NAP1L4: variants seen among roughly 807,000 people sequenced by gnomAD.
NAP1L4 encodes nucleosome assembly protein 1 like 4, also known as nucleosome assembly protein 1-like 4.
A neutral mutation model predicts 58.2 loss-of-function variants in NAP1L4; 15 were observed. The ratio of observed to expected loss-of-function variants is 0.26; its 90% CI spans 0.17 to 0.40. The LOEUF (loss-of-function observed/expected upper bound fraction) is 0.40. Among genes scored for constraint, NAP1L4 ranks in the 10% least tolerant of loss-of-function variants. The pLI is 1.00. For synonymous variants in NAP1L4, 171 were observed against 155.6 expected (o/e 1.10, Z -0.74); for missense variants, 384 against 451.1 (o/e 0.85, Z 1.35).
intron 8 of NAP1L4, among the ~76,000 whole-genome samples, chr11:2,963,172 G>A (rs76602533): frequency 0.026 from 3,883 of 150,220 alleles, 173 homozygotes; most frequent in African/African-American, 0.09. Flanking sequence ...AAAAAAAAAG[G>A]AACTGACCCA....
intron 1 of NAP1L4, among the ~76,000 whole-genome samples, chr11:2,983,178 T>C (rs903650981): frequency 6.6e-6 from 1 of 152,198 alleles, no homozygotes; most frequent in South Asian, 2.1e-4. Context: ...TGCTGTTCAC[T>C]ATGCAGCCCC....
At chr11:2,958,223 C>G (rs1053266853) in intron 10 of NAP1L4, 176 bp downstream of exon 10, 12 of 716,820 alleles carry the variant, frequency 1.7e-5, no homozygotes, top group African/African-American at 1.6e-4. Context: ...ACCTCTGCCC[C>G]CCGCGATAAA....
intron 4 of NAP1L4, among the ~76,000 whole-genome samples, chr11:2,973,585 C>A (rs940559268): frequency 6.6e-6 from 1 of 152,122 alleles, no homozygotes; most frequent in Non-Finnish European, 1.5e-5. Context: ...GGACCACTCT[C>A]CTGGGTGAAA....
chr11:2,957,218 TCA>T (rs747054827), intron 10 of NAP1L4, among the ~76,000 whole-genome samples: 15 of 152,224 alleles, frequency 9.9e-5, no homozygotes, highest in African/African-American at 1.4e-4. Flanking sequence ...CACGCTGAAT[TCA>T]CAGACAATCT....
In NAP1L4 at chr11:2,971,863, T is replaced by C. The variant is rs957960712; in HGVS notation, c.315+239A>G. Among the ~76,000 whole-genome samples, 7 of 152,336 alleles carry C rather than the reference T, an allele frequency of 4.6e-5. No individual in the cohort carries two copies. Among genetic ancestry groups the C allele is most frequent in the African/African-American group, 1.7e-4 (7 of 41,576 alleles). ...GTTCCTCTCTCTGTGTAGGGTTCAATACATTACGCGAGATACTCAGCACTT... is the reference window on the plus strand; with the variant it reads ...GTTCCTCTCTCTGTGTAGGGTTCAACACATTACGCGAGATACTCAGCACTT... On this transcript the variant is annotated intron_variant, in intron 5 of 15. Transcript: ENST00000380542. The surrounding 1 kb of genome is among the most constrained non-coding windows in gnomAD (Gnocchi z 4.2).
At chr11:2,957,465 T>C (rs1846610665) in intron 10 of NAP1L4, among the ~76,000 whole-genome samples, 1 of 152,216 alleles carries the variant, frequency 6.6e-6, no homozygotes, top group Non-Finnish European at 1.5e-5. Context: ...TCACTCAGAC[T>C]GGAGAAGAGA....
At chr11:2,991,309 GA>G (rs1848951737) in intron 1 of NAP1L4, 1 of 329,540 alleles carries the variant, frequency 3.0e-6, no homozygotes, top group African/African-American at 2.2e-5. Context: ...GGGGTGAACG[GA>G]AAGCATTCAG....
chr11:2,946,587 C>T lies in NAP1L4; in HGVS notation c.*33-941G>A, dbSNP rs1845951890. Among the ~76,000 whole-genome samples, 1 of 152,192 alleles carries T rather than the reference C, an allele frequency of 6.6e-6. No homozygotes were observed. Among genetic ancestry groups the T allele is most frequent in the South Asian group, 2.1e-4 (1 of 4,826 alleles). ...CTTGTACTGTATGGGGCAAAAAGAT[C>T]CCTGGGTTACCATAAATGATATCTT... On this transcript the variant is annotated intron_variant, in intron 15 of 15. Transcript: ENST00000380542. This position sits in a 1 kb window ranked among gnomAD's most constrained non-coding sequence, Gnocchi z 4.8.
rs1240135851 is a variant in NAP1L4 at position 2,949,380 on chromosome 11, T to C, written c.1123-116A>G. On this transcript the variant is annotated intron_variant, in intron 14 of 15. Transcript: ENST00000380542. The surrounding 1 kb of genome is among the most constrained non-coding windows in gnomAD (Gnocchi z 4.0). Reference sequence around the variant, plus strand: ...ATGATACAAAAGGGCTGCAAGATACTGAACTCGGGGTGAACAACTTCAACA... The same window carrying C: ...ATGATACAAAAGGGCTGCAAGATACCGAACTCGGGGTGAACAACTTCAACA... 8 of 838,384 alleles carry C rather than the reference T, an allele frequency of 9.5e-6. No homozygotes were observed. Among genetic ancestry groups the C allele is most frequent in the Admixed American group, 1.9e-5 (1 of 51,352 alleles). 51.9% of individuals were successfully genotyped at this position (838,384 alleles called of 1,614,324 possible).
rs1564982956 is a variant in NAP1L4, at chr11:2,969,085, G to A, written c.534+718C>T. ...AGCTCACCACAGCCTCAACCTCCTC[G>A]GCTCAGGTGATCCTCCTGCCTCAGC... On this transcript the variant is annotated intron_variant, in intron 7 of 15. Transcript: ENST00000380542. 3.4e-5 allele frequency among the ~76,000 whole-genome samples: 5 copies of A among 148,646 alleles called. No homozygotes were observed. In the South Asian group the frequency reaches 6.4e-4, roughly 19 times the overall value.
chr11:2,966,918 A>G (rs1189463963), intron 7 of NAP1L4, among the ~76,000 whole-genome samples: 1 of 152,222 alleles, frequency 6.6e-6, no homozygotes, highest in African/African-American at 2.4e-5. Flanking sequence ...TGTCCAGGGC[A>G]AATATTAAGG....
rs1346922121 is a variant in NAP1L4, at chr11:2,944,892, T to A, written c.*787A>T. ...CTTGCGCCTGCTAGGAAGTGGCACA[T>A]CTTCCTGCTCAGGGCACCAAGGTGG... On this transcript the variant is annotated 3_prime_UTR_variant, in exon 16 of 16. Transcript: ENST00000380542. 1 of 152,184 alleles carries A rather than the reference T, an allele frequency of 6.6e-6. No homozygotes were observed. Among genetic ancestry groups the A allele is most frequent in the Non-Finnish European group, 1.5e-5 (1 of 68,052 alleles). The allele number at this position is 152,184 out of a possible 1,614,324, so 9.4% of individuals were successfully genotyped here. A position where few individuals can be genotyped will look rare whatever the true frequency, so the allele number is the denominator to read the frequency against.
Position 2,954,654 on chromosome 11 carries a change from G to T in NAP1L4, c.916-8C>A. 6.2e-7 allele frequency: 1 copy of T among 1,614,104 alleles called. No homozygotes were observed. The highest frequency in any genetic ancestry group is 2.2e-5 in the East Asian group (1 of 44,882). ...GAATTCAGAATCTTCATCCTGAGGAGGAAAAACCTACGTGTTAACTCATTT... is the reference window on the plus strand; with the variant it reads ...GAATTCAGAATCTTCATCCTGAGGATGAAAAACCTACGTGTTAACTCATTT... On this transcript the variant is annotated splice_polypyrimidine_tract_variant and splice_region_variant and intron_variant, in intron 11 of 15. Transcript: ENST00000380542. The surrounding 1 kb of genome is among the most constrained non-coding windows in gnomAD (Gnocchi z 4.8).
In NAP1L4 at chr11:2,955,981, T is replaced by C. The variant is rs1349490287; in HGVS notation, c.893-215A>G. On this transcript the variant is annotated intron_variant, in intron 10 of 15. Transcript: ENST00000380542. This position sits in a 1 kb window ranked among gnomAD's most constrained non-coding sequence, Gnocchi z 4.2. ...TGGCCTGAGTGCCTCTATGCCCCCC[T>C]CCCTTCTCCTCCTCCATCATGTGCC... Among the ~76,000 whole-genome samples, 1 of 151,244 alleles carries C rather than the reference T, an allele frequency of 6.6e-6. No homozygotes were observed. The highest frequency in any genetic ancestry group is 1.9e-4 in the East Asian group (1 of 5,178).
At position 2,971,341 on chromosome 11, in the gene NAP1L4, C is replaced by T; in HGVS notation, c.402+107G>A. 2.2e-6 allele frequency: 2 copies of T among 910,586 alleles called. No individual in the cohort carries two copies. The highest frequency in any genetic ancestry group is 3.1e-5 in the South Asian group (2 of 64,692). 56.4% of individuals were successfully genotyped at this position (910,586 alleles called of 1,614,324 possible). A position where few individuals can be genotyped will look rare whatever the true frequency, so the allele number is the denominator to read the frequency against. ...ACCCAACCTAATGATGCAGCAGCACCTACTGTTAGAAGCACATAAGTTTAC... is the reference window on the plus strand; with the variant it reads ...ACCCAACCTAATGATGCAGCAGCACTTACTGTTAGAAGCACATAAGTTTAC... On this transcript the variant is annotated intron_variant, in intron 6 of 15. Coordinates refer to ENST00000380542, the MANE Select transcript of NAP1L4 (RefSeq NM_005969.4). This position sits in a 1 kb window ranked among gnomAD's most constrained non-coding sequence, Gnocchi z 4.2.
Position 2,971,957 on chromosome 11 carries a change from G to C in NAP1L4, c.315+145C>G, listed in dbSNP as rs1289228605. On this transcript the variant is annotated intron_variant, in intron 5 of 15. Transcript: ENST00000380542. The surrounding 1 kb of genome is among the most constrained non-coding windows in gnomAD (Gnocchi z 4.2). Reference sequence around the variant, plus strand: ...AGGCTAATGTTAGCGTTCTGAGCTTGTTTAAGGTAGTCTAGACTAAGCTAT... The same window carrying C: ...AGGCTAATGTTAGCGTTCTGAGCTTCTTTAAGGTAGTCTAGACTAAGCTAT... 5.1e-6 allele frequency: 4 copies of C among 787,192 alleles called. No homozygotes were observed. The African/African-American group carries it at 7.1e-5, about 14-fold the overall frequency. The allele number at this position is 787,192 out of a possible 1,614,324, so 48.8% of individuals were successfully genotyped here.
chr11:2,969,761 A>C (rs1201299818), intron 7 of NAP1L4, 42 bp downstream of exon 7: 15 of 1,568,104 alleles, frequency 9.6e-6, no homozygotes, highest in Non-Finnish European at 1.3e-5. Flanking sequence ...TAATGTTAGA[A>C]GACTAGCACA....
In NAP1L4 at chr11:2,966,282, T is replaced by C. The variant is rs1026022818; in HGVS notation, c.535-1531A>G. Reference sequence around the variant, plus strand: ...CAGGACCATCACCTCAAACATTTATTTTTGAACATTCAAAACCCGTCCTCT... The same window carrying C: ...CAGGACCATCACCTCAAACATTTATCTTTGAACATTCAAAACCCGTCCTCT... On this transcript the variant is annotated intron_variant, in intron 7 of 15. Coordinates refer to ENST00000380542, the MANE Select transcript of NAP1L4 (RefSeq NM_005969.4). 2.6e-5 allele frequency among the ~76,000 whole-genome samples: 4 copies of C among 152,222 alleles called. No homozygotes were observed. The South Asian group carries it at 6.2e-4, about 24-fold the overall frequency.
Position 2,948,872 on chromosome 11 carries a change from G to A in NAP1L4, c.*32+355C>T, listed in dbSNP as rs1590215237. Reference sequence around the variant, plus strand: ...GAGCACAGCTGGGACAGCCCAGTGTGTTATGCTCTCTGCAAGGACTGCTTG... The same window carrying A: ...GAGCACAGCTGGGACAGCCCAGTGTATTATGCTCTCTGCAAGGACTGCTTG... On this transcript the variant is annotated intron_variant, in intron 15 of 15. Transcript: ENST00000380542. The surrounding 1 kb of genome is among the most constrained non-coding windows in gnomAD (Gnocchi z 5.1). Among the ~76,000 whole-genome samples, 1 of 152,224 alleles carries A rather than the reference G, an allele frequency of 6.6e-6. No individual in the cohort carries two copies. Among genetic ancestry groups the A allele is most frequent in the South Asian group, 2.1e-4 (1 of 4,834 alleles).
Sources: allele counts gnomAD v4.1 joint callset (sites outside exome capture counted in the v4.1 genomes callset), GRCh38; gene constraint gnomAD v4.1.1; non-coding constraint Gnocchi (gnomAD v3.1); transcripts MANE v1.5; gene names NCBI Gene and HGNC (gene_info 2026-07-23, HGNC 2026-07-21).